Variants in C9orf153 observed in about 807,000 individuals in gnomAD.
C9orf153 encodes the protein chromosome 9 open reading frame 153, also known as uncharacterized protein C9orf153.
A neutral mutation model predicts 9.0 loss-of-function variants in C9orf153; 10 were observed. The observed-to-expected ratio is 1.11, with a 90% CI of 0.69 to 1.89. C9orf153 has a LOEUF of 1.89. Ranked by LOEUF, C9orf153 falls within the 40% of genes most tolerant of loss-of-function variation. The pLI, the probability that C9orf153 is intolerant of heterozygous loss-of-function variation, is 0.00. For missense variants in C9orf153, 108 were observed against 111.0 expected, an observed-to-expected ratio of 0.97 and a Z score of 0.12; for synonymous variants, 35 against 37.3, an observed-to-expected ratio of 0.94 and a Z score of 0.23.
intron 1 of C9orf153, among the ~76,000 whole-genome samples, chr9:86,240,707 C>CTTTTTTTTTTTTTTTTTTT (rs367674249): frequency 8.5e-5 from 10 of 117,008 alleles, no homozygotes; most frequent in Non-Finnish European, 1.8e-4. Flanking sequence ...TTTTCTTTTT[C>CTTTTTTTTTTTTTTTTTTT]TTTTTTTTTT....
At chr9:86,244,909 A>T (rs1280702588) in intron 1 of C9orf153, among the ~76,000 whole-genome samples, 1 of 152,210 alleles carries the variant, frequency 6.6e-6, no homozygotes, top group East Asian at 1.9e-4. Context: ...AGCATCCTAT[A>T]GATATCTCCT....
intron 1 of C9orf153, among the ~76,000 whole-genome samples, chr9:86,239,130 G>A (rs1254794944): frequency 6.6e-6 from 1 of 151,800 alleles, no homozygotes; most frequent in Non-Finnish European, 1.5e-5. Flanking sequence ...GCGTGGCGGC[G>A]CATGCCTGTA....
chr9:86,245,483 C>T (rs1368591159), intron 1 of C9orf153, among the ~76,000 whole-genome samples: 1 of 152,180 alleles, frequency 6.6e-6, no homozygotes, highest in African/African-American at 2.4e-5. Flanking sequence ...CTAGGACCCT[C>T]ATATTAGTGA....
At position 86,227,989 on chromosome 9, in the gene C9orf153, C is replaced by G. The variant is rs1326534727; in HGVS notation, c.108G>C (p.Glu36Asp). The G allele has an allele frequency of 6.2e-7, 1 of 1,612,516 alleles. No homozygotes were observed. Among genetic ancestry groups the G allele is most frequent in the East Asian group, 2.2e-5 (1 of 44,792 alleles). ...TTTTTAGAAGATTTGATTTCTTGCTCTCCTTATTAAAATTCTCAATACATG... is the reference window on the plus strand; with the variant it reads ...TTTTTAGAAGATTTGATTTCTTGCTGTCCTTATTAAAATTCTCAATACATG... ...LYACIENFNK[E>D]SKKSNLLKMH... Residue 36 changes from glutamate to aspartate, a missense_variant, in exon 3 of 4, where the codon GAG becomes GAC. By Grantham distance (45) the Glu-to-Asp change is conservative. Coordinates refer to ENST00000339137, the MANE Select transcript of C9orf153 (RefSeq NM_001276366.4).
intron 1 of C9orf153, among the ~76,000 whole-genome samples, chr9:86,248,328 T>C (rs1279410188): frequency 1.3e-5 from 2 of 152,112 alleles, no homozygotes; most frequent in African/African-American, 4.8e-5. Flanking sequence ...GAGACTGGGT[T>C]TCGTCATGTT....
intron 3 of C9orf153, among the ~76,000 whole-genome samples, chr9:86,224,086 C>T (rs1824265486): frequency 6.6e-6 from 1 of 152,028 alleles, no homozygotes; most frequent in South Asian, 2.1e-4. Flanking sequence ...AAGATACCAT[C>T]TCAAAAAAAT....
At chr9:86,252,571 T>C (rs906101788) in intron 1 of C9orf153, among the ~76,000 whole-genome samples, 2 of 152,196 alleles carry the variant, frequency 1.3e-5, no homozygotes, top group Middle Eastern at 3.2e-3. Flanking sequence ...TTTTTTACTA[T>C]TGGGGCCCCT....
At chr9:86,245,115 C>T (rs185877207) in intron 1 of C9orf153, among the ~76,000 whole-genome samples, 6 of 152,210 alleles carry the variant, frequency 3.9e-5, no homozygotes, top group African/African-American at 7.2e-5. Flanking sequence ...TTAGTAGAGA[C>T]GGAGTCTCAC....
intron 1 of C9orf153, among the ~76,000 whole-genome samples, chr9:86,251,914 T>TACAAACACACACACACACAC (rs1825002240): frequency 7.1e-6 from 1 of 140,246 alleles, no homozygotes; most frequent in Admixed American, 7.1e-5. Flanking sequence ...TTAGGTAAAC[T>TACAAACACACACACACACAC]ACACACACAC....
At position 86,255,798 on chromosome 9, in the gene C9orf153, T is replaced by A. The variant is rs972660671; in HGVS notation, c.-27+3752A>T. Among the ~76,000 whole-genome samples, 3 of 152,206 alleles carry A rather than the reference T, an allele frequency of 2.0e-5. No homozygotes were observed. The East Asian group carries it at 5.8e-4, about 29-fold the overall frequency. ...CAGTGAATCTGCCTTTTGCGAGTTA[T>A]TTTTTTCAGCAAACCTTCAGAGGGC... On this transcript the variant is annotated intron_variant, in intron 1 of 3. Transcript: ENST00000339137.
intron 3 of C9orf153, 46 bp from the exon 4 acceptor site, chr9:86,221,779 A>G: frequency 7.5e-7 from 1 of 1,333,578 alleles, no homozygotes; most frequent in Non-Finnish European, 1.1e-6. Context: ...GTTGTTACTC[A>G]GCCTTTCATT....
intron 1 of C9orf153, among the ~76,000 whole-genome samples, chr9:86,245,931 C>T (rs1048216750): frequency 1.3e-5 from 2 of 152,216 alleles, no homozygotes; most frequent in Non-Finnish European, 2.9e-5. Flanking sequence ...CCTGATGATA[C>T]TTGGGCACTG....
chr9:86,250,044 T>C (rs1426321436), intron 1 of C9orf153, among the ~76,000 whole-genome samples: 1 of 152,134 alleles, frequency 6.6e-6, no homozygotes, highest in Non-Finnish European at 1.5e-5. Context: ...GATTATTTTA[T>C]GGGGACAGTA....
At chr9:86,230,690 G>GT (rs1196232575) in intron 1 of C9orf153, among the ~76,000 whole-genome samples, 1 of 152,106 alleles carries the variant, frequency 6.6e-6, no homozygotes, top group African/African-American at 2.4e-5. Context: ...CTCAAAAAGT[G>GT]TTTTTTATTC....
chr9:86,222,097 A>G lies in C9orf153; in HGVS notation c.243-364T>C, dbSNP rs567944345. 5.0e-4 allele frequency among the ~76,000 whole-genome samples: 76 copies of G among 152,230 alleles called. 1 individual carries two copies. Among genetic ancestry groups the G allele is most frequent in the Non-Finnish European group, 1.0e-4 (7 of 68,004 alleles). On this transcript the variant is annotated intron_variant, in intron 3 of 3. Transcript: ENST00000339137. ...GAGACGGGGTTTCACCATGTTGGCC[A>G]GGCTAGTCTCAAACTCCTGACCTCA... is the stretch of plus-strand genomic sequence containing the variant.
At chr9:86,256,141 A>C (rs188284903) in intron 1 of C9orf153, among the ~76,000 whole-genome samples, 79 of 152,018 alleles carry the variant, frequency 5.2e-4, no homozygotes, top group African/African-American at 1.8e-3. Flanking sequence ...CTGTCTTCTC[A>C]CTTCTTACTT....
At chr9:86,234,361 CATAA>C (rs1295636716) in intron 1 of C9orf153, among the ~76,000 whole-genome samples, 11 of 152,090 alleles carry the variant, frequency 7.2e-5, no homozygotes, top group Non-Finnish European at 1.0e-4. Flanking sequence ...AAAAGGGAAA[CATAA>C]ATAACAGGAA....
chr9:86,240,377 CTT>C (rs34559572), intron 1 of C9orf153, among the ~76,000 whole-genome samples: 25 of 135,836 alleles, frequency 1.8e-4, no homozygotes, highest in Admixed American at 2.3e-4. Context: ...TCTTCTTTTC[CTT>C]TTTTTTTTTT....
chr9:86,223,055 T>C (rs1824241106), intron 3 of C9orf153, among the ~76,000 whole-genome samples: 2 of 152,150 alleles, frequency 1.3e-5, no homozygotes, highest in Admixed American at 6.5e-5. Context: ...GATACTGCCA[T>C]GGTGTTCAGC....
Sources: allele counts gnomAD v4.1 joint callset (sites outside exome capture counted in the v4.1 genomes callset), GRCh38; gene constraint gnomAD v4.1.1; transcripts MANE v1.5; gene names NCBI Gene and HGNC (gene_info 2026-07-23, HGNC 2026-07-21).